NECAB1: variants seen among roughly 807,000 people sequenced by gnomAD.
NECAB1 encodes the protein N-terminal EF-hand calcium-binding protein 1.
Under a neutral mutation model 57.5 loss-of-function variants are expected in NECAB1, and 29 were observed. The ratio of observed to expected loss-of-function variants is 0.50; its 90% CI spans 0.38 to 0.69. The LOEUF is 0.69. Ranked by LOEUF, NECAB1 falls within the 30% of genes least tolerant of loss-of-function variation. The pLI, the probability that NECAB1 is intolerant of heterozygous loss-of-function variation, is 0.00. For synonymous variants in NECAB1, 142 were observed against 147.7 expected (o/e 0.96, Z 0.28); for missense variants, 372 against 413.8 (o/e 0.90, Z 0.88).
chr8:90,949,038 T>C (rs1219354165), intron 10 of NECAB1, among the ~76,000 whole-genome samples: 1 of 152,136 alleles, frequency 6.6e-6, no homozygotes, highest in African/African-American at 2.4e-5. Flanking sequence ...GGAACAAATT[T>C]GTCTCACCCA....
chr8:90,920,016 A>G (rs1810064236), intron 6 of NECAB1, among the ~76,000 whole-genome samples: 1 of 152,220 alleles, frequency 6.6e-6, no homozygotes, highest in African/African-American at 2.4e-5. Flanking sequence ...GCAGCTGCCT[A>G]GCAGCTGTGC....
At chr8:90,900,080 TC>T (rs1270914691) in intron 5 of NECAB1, among the ~76,000 whole-genome samples, 2 of 152,188 alleles carry the variant, frequency 1.3e-5, no homozygotes, top group African/African-American at 4.8e-5. Context: ...CCTGCCTTTC[TC>T]TATGAGTAAA....
At chr8:90,856,990 A>C (rs1300748077) in intron 3 of NECAB1, among the ~76,000 whole-genome samples, 1 of 152,244 alleles carries the variant, frequency 6.6e-6, no homozygotes, top group Non-Finnish European at 1.5e-5. Flanking sequence ...TTAAGTGCTG[A>C]CAACAGAAGA....
intron 6 of NECAB1, among the ~76,000 whole-genome samples, chr8:90,917,919 C>T (rs1462962206): frequency 4.0e-5 from 4 of 98,784 alleles, no homozygotes; most frequent in Non-Finnish European, 5.4e-5. Context: ...TATATACACA[C>T]ACACACATAT....
chr8:90,953,032 G>C (rs1050569330), intron 12 of NECAB1, among the ~76,000 whole-genome samples: 1 of 151,982 alleles, frequency 6.6e-6, no homozygotes, highest in African/African-American at 2.4e-5. Context: ...ATTGGTCTTC[G>C]GTCAAAATTT....
intron 2 of NECAB1, among the ~76,000 whole-genome samples, chr8:90,813,996 A>T (rs1308390008): frequency 6.6e-6 from 1 of 152,076 alleles, no homozygotes; most frequent in African/African-American, 2.4e-5. Flanking sequence ...CTTTGTTCAG[A>T]TTTTTCTTAG....
intron 1 of NECAB1, among the ~76,000 whole-genome samples, chr8:90,798,200 TA>T (rs1392238035): frequency 6.6e-6 from 1 of 152,246 alleles, no homozygotes; most frequent in African/African-American, 2.4e-5. Flanking sequence ...TCTCTCCTTG[TA>T]AGATGCCCAG....
intron 3 of NECAB1, among the ~76,000 whole-genome samples, chr8:90,842,513 T>G (rs956061348): frequency 2.0e-5 from 3 of 152,072 alleles, no homozygotes; most frequent in Non-Finnish European, 4.4e-5. Context: ...GCTGTGTGGG[T>G]GGGCTTATTG....
intron 1 of NECAB1, among the ~76,000 whole-genome samples, chr8:90,792,190 C>G (rs1333148092): frequency 6.6e-6 from 1 of 152,218 alleles, no homozygotes; most frequent in Non-Finnish European, 1.5e-5. Context: ...GCTTAACACC[C>G]TTAAGAAAAC....
chr8:90,847,081 GAGACA>G (rs1479986606), intron 3 of NECAB1, among the ~76,000 whole-genome samples: 11 of 152,186 alleles, frequency 7.2e-5, no homozygotes, highest in Admixed American at 4.6e-4. Flanking sequence ...AGTCTCATCT[GAGACA>G]AGACAAGTCC....
chr8:90,801,758 A>G (rs1308852177), intron 2 of NECAB1, 43 bp downstream of exon 2: 1 of 1,240,448 alleles, frequency 8.1e-7, no homozygotes, highest in Non-Finnish European at 1.1e-6. Flanking sequence ...AATCTCTTAC[A>G]TTTTATATTA....
rs1391287492 is a variant in NECAB1 at position 90,805,012 on chromosome 8, C to T, written c.124+3297C>T. 2.0e-5 allele frequency among the ~76,000 whole-genome samples: 3 copies of T among 152,176 alleles called. 1 individual carries two copies. Among genetic ancestry groups the T allele is most frequent in the South Asian group, 4.1e-4 (2 of 4,838 alleles). On this transcript the variant is annotated intron_variant, in intron 2 of 12. Coordinates refer to ENST00000417640, the MANE Select transcript of NECAB1 (RefSeq NM_022351.5). Reference sequence around the variant, plus strand: ...TCTCTATTGCTACTGAAAGCTTGAGCTGTTTTTTCTTCTGTGATGACTTGG... The same window carrying T: ...TCTCTATTGCTACTGAAAGCTTGAGTTGTTTTTTCTTCTGTGATGACTTGG...
chr8:90,896,247 G>T (rs1809327358), intron 5 of NECAB1, among the ~76,000 whole-genome samples: 1 of 152,186 alleles, frequency 6.6e-6, no homozygotes, highest in Non-Finnish European at 1.5e-5. Flanking sequence ...AGTTTGAAAA[G>T]AAAGCTGTAA....
intron 3 of NECAB1, among the ~76,000 whole-genome samples, chr8:90,856,500 A>G (rs1812797034): frequency 6.6e-6 from 1 of 152,192 alleles, no homozygotes; most frequent in African/African-American, 2.4e-5. Context: ...TCTTTAAACA[A>G]TAACAAAAAG....
intron 8 of NECAB1, among the ~76,000 whole-genome samples, chr8:90,932,902 T>C (rs1563540264): frequency 6.6e-6 from 1 of 152,110 alleles, no homozygotes; most frequent in Non-Finnish European, 1.5e-5. Context: ...GCATTATTCA[T>C]TGGTCATCAC....
Position 90,873,591 on chromosome 8 carries a change from C to G in NECAB1, c.259+1438C>G, listed in dbSNP as rs541660703. ...CCTAAAATGTCTAGCTATGTCAGGC[C>G]AAAGTAATTATTTCCACAAATCATT... On this transcript the variant is annotated intron_variant, in intron 4 of 12. Transcript: ENST00000417640. 2.0e-5 allele frequency among the ~76,000 whole-genome samples: 3 copies of G among 152,294 alleles called. No individual in the cohort carries two copies. In the South Asian group the frequency reaches 6.2e-4, roughly 32 times the overall value.
intron 2 of NECAB1, among the ~76,000 whole-genome samples, chr8:90,806,964 T>C (rs1811856524): frequency 6.6e-6 from 1 of 152,184 alleles, no homozygotes; most frequent in South Asian, 2.1e-4. Context: ...TGAACCCAGG[T>C]CTATTTCACT....
intron 2 of NECAB1, among the ~76,000 whole-genome samples, chr8:90,819,134 A>G (rs773931488): frequency 2.6e-5 from 4 of 151,640 alleles, no homozygotes; most frequent in Admixed American, 6.6e-5. Flanking sequence ...GTTTTTATTT[A>G]TTTCTAGTAT....
intron 4 of NECAB1, among the ~76,000 whole-genome samples, chr8:90,875,244 G>GT: frequency 6.6e-6 from 1 of 152,022 alleles, no homozygotes; most frequent in Middle Eastern, 3.4e-3. Context: ...CACTTTGGGA[G>GT]GCCGAGGCGG....
Sources: gnomAD v4.1 joint callset for allele counts (sites outside exome capture counted in the v4.1 genomes callset) on GRCh38, gnomAD v4.1.1 for gene constraint, MANE v1.5 for transcripts, NCBI Gene and HGNC (gene_info 2026-07-23, HGNC 2026-07-21) for gene names.